CRIPTO: variants seen among roughly 807,000 people sequenced by gnomAD.
CRIPTO encodes protein Cripto.
the CRIPTO span, chr3:46,577,985 A>G: frequency 6.2e-7 from 1 of 1,614,248 alleles, no homozygotes; most frequent in Non-Finnish European, 8.5e-7. Flanking sequence ...CTGCAGGAAG[A>G]TGGCCCGCTT....
chr3:46,578,915 A>C, the CRIPTO span, among the ~76,000 whole-genome samples: 3 of 152,136 alleles, frequency 2.0e-5, no homozygotes, highest in Admixed American at 2.0e-4. Context: ...GATATTGGTG[A>C]CTTTTTTTCA....
At chr3:46,578,088 AT>A in the CRIPTO span, 2 of 1,469,534 alleles carry the variant, frequency 1.4e-6, no homozygotes, top group Non-Finnish European at 1.9e-6. Context: ...CTGTCATTTG[AT>A]TTTTCTCTTG....
the CRIPTO span, among the ~76,000 whole-genome samples, chr3:46,576,077 G>A: frequency 1.1e-4 from 16 of 152,330 alleles, no homozygotes; most frequent in South Asian, 6.2e-4. Context: ...GAATGAAATA[G>A]TCAACTGCTG....
the CRIPTO span, among the ~76,000 whole-genome samples, chr3:46,576,129 G>A: frequency 6.6e-6 from 1 of 152,080 alleles, no homozygotes; most frequent in Admixed American, 6.6e-5. Context: ...TGACTGGATG[G>A]GGCCTCACTC....
the CRIPTO span, chr3:46,579,537 T>G: frequency 5.4e-6 from 7 of 1,292,706 alleles, no homozygotes; most frequent in African/African-American, 1.0e-4. Flanking sequence ...TTCCCTAGAG[T>G]GCAGTTTTCC....
chr3:46,581,034 G>GC, the CRIPTO span: 1 of 871,270 alleles, frequency 1.1e-6, no homozygotes, highest in African/African-American at 1.7e-5. Context: ...CCTGAGAAGA[G>GC]CAGGTTCACA....
chr3:46,578,914 G>A, the CRIPTO span, among the ~76,000 whole-genome samples: 1 of 151,968 alleles, frequency 6.6e-6, no homozygotes, highest in African/African-American at 2.4e-5. Flanking sequence ...GGATATTGGT[G>A]ACTTTTTTTC....
chr3:46,582,436 G>T, the CRIPTO span: 1 of 152,136 alleles, frequency 6.6e-6, no homozygotes, highest in African/African-American at 2.4e-5. Context: ...TGTATGCACA[G>T]TAAAAATGGA....
the CRIPTO span, among the ~76,000 whole-genome samples, chr3:46,575,158 T>C: frequency 6.6e-6 from 1 of 152,208 alleles, no homozygotes; most frequent in Non-Finnish European, 1.5e-5. Flanking sequence ...AGGGTAGCCA[T>C]TCAATTCCCC....
chr3:46,578,732 T>A, the CRIPTO span, among the ~76,000 whole-genome samples: 1 of 152,254 alleles, frequency 6.6e-6, no homozygotes, highest in African/African-American at 2.4e-5. Context: ...TACAGTAGTT[T>A]GTAAAATGAT....
At chr3:46,580,602 A>G in the CRIPTO span, among the ~76,000 whole-genome samples, 3 of 151,978 alleles carry the variant, frequency 2.0e-5, no homozygotes, top group South Asian at 6.2e-4. Flanking sequence ...CTTGATTTTT[A>G]CTGATTTGAG....
At chr3:46,581,264 A>G in the CRIPTO span, 2 of 1,582,770 alleles carry the variant, frequency 1.3e-6, no homozygotes, top group Non-Finnish European at 1.7e-6. Flanking sequence ...ACATTGACCT[A>G]TTTCCAGAAA....
At chr3:46,579,260 A>G in the CRIPTO span, 1 of 1,614,032 alleles carries the variant, frequency 6.2e-7, no homozygotes. Context: ...TTGCTCGTCC[A>G]TCTCGGGGAT....
chr3:46,579,685 T>A, the CRIPTO span: 2 of 1,569,468 alleles, frequency 1.3e-6, no homozygotes, highest in Non-Finnish European at 1.8e-6. Flanking sequence ...TTACAGGAAT[T>A]GCCCTTGCAC....
At chr3:46,578,295 A>C in the CRIPTO span, among the ~76,000 whole-genome samples, 1 of 152,052 alleles carries the variant, frequency 6.6e-6, no homozygotes, top group African/African-American at 2.4e-5. Flanking sequence ...ACTACAACCA[A>C]ATTTAAAATC....
the CRIPTO span, chr3:46,577,869 A>G: frequency 5.4e-6 from 7 of 1,298,028 alleles, no homozygotes; most frequent in Non-Finnish European, 7.8e-6. Flanking sequence ...TTAAATTGCC[A>G]TTTTCGCTTT....
chr3:46,575,583 A>G, the CRIPTO span, among the ~76,000 whole-genome samples: 1 of 152,192 alleles, frequency 6.6e-6, no homozygotes, highest in Admixed American at 6.5e-5. Flanking sequence ...GTCAATGACA[A>G]CATCGCCAGA....
the CRIPTO span, chr3:46,581,185 C>T: frequency 1.2e-6 from 2 of 1,614,208 alleles, no homozygotes; most frequent in Non-Finnish European, 1.7e-6. Flanking sequence ...AGAACTACCA[C>T]CGTCTGCACG....
At chr3:46,582,391 T>C in the CRIPTO span, 3 of 152,230 alleles carry the variant, frequency 2.0e-5, no homozygotes, top group Non-Finnish European at 4.4e-5. Context: ...AACTACATAT[T>C]GTAAAGCCCA....
Sources: gnomAD v4.1 joint callset for allele counts (sites outside exome capture counted in the v4.1 genomes callset) on GRCh38, gnomAD v4.1.1 for gene constraint, MANE v1.5 for transcripts, NCBI Gene and HGNC (gene_info 2026-07-23, HGNC 2026-07-21) for gene names.